The following CHRDL1 variants were observed in gnomAD, a reference collection of about 807,000 sequenced individuals.
The protein encoded by CHRDL1 is chordin like 1.
CHRDL1 carries 19 observed loss-of-function variants against 40.9 expected under a neutral mutation model. The observed-to-expected ratio is 0.46, with a 90% CI of 0.32 to 0.68. The LOEUF (loss-of-function observed/expected upper bound fraction) is 0.68. Among genes scored for constraint, CHRDL1 ranks in the 30% least tolerant of loss-of-function variants. The pLI is 0.03. For synonymous variants in CHRDL1, 136 were observed against 123.4 expected (o/e 1.10, Z -0.68); for missense variants, 329 against 352.1 (o/e 0.93, Z 0.53).
At chrX:110,755,917 G>T (rs1000186472) in intron 4 of CHRDL1, among the ~76,000 whole-genome samples, 5 of 111,471 alleles carry the variant, frequency 4.5e-5, no homozygotes, top group African/African-American at 6.5e-5. Context: ...TCAGATGGGT[G>T]GGTACCTTTT....
At chrX:110,724,482 A>G (rs191437084) in intron 4 of CHRDL1, among the ~76,000 whole-genome samples, 2 of 110,812 alleles carry the variant, frequency 1.8e-5, no homozygotes, top group Admixed American at 1.9e-4. Context: ...AGTTTTATGC[A>G]ATAAAATTCT....
At chrX:110,715,797 T>C (rs1350763632) in intron 6 of CHRDL1, among the ~76,000 whole-genome samples, 1 of 112,814 alleles carries the variant, frequency 8.9e-6, no homozygotes, top group Non-Finnish European at 1.9e-5. Context: ...CAACTGGTTA[T>C]ATTAGCAACC....
rs1317164825 is a variant in CHRDL1, at chrX:110,719,926, C to T, written c.450G>A (p.Glu150=). Residue 150 remains glutamate, a splice_region_variant and synonymous_variant, in exon 6 of 12, where the codon GAG becomes GAA. Coordinates refer to ENST00000372042, the MANE Select transcript of CHRDL1 (RefSeq NM_001143981.2). ...TCTTGAGACCACAATACACGTTTCCCTCCTGCCAAGGAGAAACAGAATTAA... is the reference window on the plus strand; with the variant it reads ...TCTTGAGACCACAATACACGTTTCCTTCCTGCCAAGGAGAAACAGAATTAA... ...PNQCTQCSCS[E]GNVYCGLKTC... 1 of 1,166,350 alleles carries T rather than the reference C, an allele frequency of 8.6e-7. No homozygotes were observed. The highest frequency in any genetic ancestry group is 3.0e-5 in the East Asian group (1 of 33,588).
intron 4 of CHRDL1, among the ~76,000 whole-genome samples, chrX:110,728,553 G>A (rs1194819057): frequency 1.8e-5 from 2 of 111,400 alleles, no homozygotes; most frequent in Non-Finnish European, 3.8e-5. Flanking sequence ...TCCAATAATG[G>A]GTTCTCTCCA....
At chrX:110,771,860 A>T (rs1602406381) in intron 2 of CHRDL1, among the ~76,000 whole-genome samples, 1 of 111,975 alleles carries the variant, frequency 8.9e-6, no homozygotes, top group Non-Finnish European at 1.9e-5. Flanking sequence ...AAAGTAAAAA[A>T]ATAAAACTTT....
chrX:110,705,696 A>G (rs2070624187), intron 6 of CHRDL1, among the ~76,000 whole-genome samples: 2 of 107,214 alleles, frequency 1.9e-5, no homozygotes, highest in South Asian at 7.9e-4. Flanking sequence ...ATATTCCAAA[A>G]TCCAAAAACA....
At chrX:110,686,818 A>T (rs771410839) in intron 9 of CHRDL1, among the ~76,000 whole-genome samples, 10 of 102,211 alleles carry the variant, frequency 9.8e-5, no homozygotes, top group African/African-American at 3.8e-4. Flanking sequence ...GGAGGTTGCA[A>T]GGTTGCAGTG....
intron 6 of CHRDL1, among the ~76,000 whole-genome samples, chrX:110,713,517 C>T (rs1297516596): frequency 4.5e-5 from 5 of 111,824 alleles, no homozygotes; most frequent in East Asian, 2.8e-4. Flanking sequence ...ATGCATGTCC[C>T]GTCTTCCCCT....
At chrX:110,779,623 T>G (rs191578431) in intron 2 of CHRDL1, among the ~76,000 whole-genome samples, 19 of 111,535 alleles carry the variant, frequency 1.7e-4, no homozygotes, top group Admixed American at 5.7e-4. Flanking sequence ...GTCTTGAAGT[T>G]GGGTAGTGAG....
chrX:110,762,948 G>C (rs1399264330), intron 2 of CHRDL1, 141 bp from the exon 3 acceptor site: 3 of 463,173 alleles, frequency 6.5e-6, no homozygotes, highest in Non-Finnish European at 1.1e-5. Context: ...TCCTATTAGG[G>C]GATTAGTGTT....
At chrX:110,734,993 ATTAC>A (rs1477358737) in intron 4 of CHRDL1, among the ~76,000 whole-genome samples, 1 of 110,694 alleles carries the variant, frequency 9.0e-6, no homozygotes, top group Non-Finnish European at 1.9e-5. Flanking sequence ...GAGTTCTACT[ATTAC>A]TTGGTTAGTT....
chrX:110,774,843 A>C (rs995420783), intron 2 of CHRDL1, among the ~76,000 whole-genome samples: 13 of 112,061 alleles, frequency 1.2e-4, no homozygotes, highest in Non-Finnish European at 2.3e-4. Flanking sequence ...ACATGCAATA[A>C]AAGGGAATTG....
chrX:110,689,524 CTATCTATATATCTCTATATCTCTATATA>C, intron 8 of CHRDL1, among the ~76,000 whole-genome samples: 1 of 22,832 alleles, frequency 4.4e-5, no homozygotes, highest in African/African-American at 6.1e-4. Context: ...CTCTATATAT[CTATCTATATATCTCTATATCTCTATATA>C]TCTATATATC....
At chrX:110,690,930 C>A (rs987007648) in intron 8 of CHRDL1, among the ~76,000 whole-genome samples, 2 of 111,281 alleles carry the variant, frequency 1.8e-5, no homozygotes, top group Middle Eastern at 9.2e-3. Flanking sequence ...AAGCATCTGG[C>A]TGGGTGTGGT....
chrX:110,686,617 T>C lies in CHRDL1; in HGVS notation c.988+1977A>G, dbSNP rs1015882251. On this transcript the variant is annotated intron_variant, in intron 9 of 11. Transcript: ENST00000372042. ...TGTTGCTGGGTGGCCCGGATGTCCA[T>C]ATCATCCTTAGAATGTGCTCTCTCC... Among the ~76,000 whole-genome samples the C allele has an allele frequency of 5.4e-5, 6 of 110,688 alleles. No individual in the cohort carries two copies. In the Admixed American group the frequency reaches 5.8e-4, roughly 11 times the overall value.
chrX:110,774,744 A>C (rs1254871395), intron 2 of CHRDL1, among the ~76,000 whole-genome samples: 1 of 112,007 alleles, frequency 8.9e-6, no homozygotes, highest in African/African-American at 3.2e-5. Flanking sequence ...ACTAAAACCA[A>C]AAGTCAAAAT....
intron 2 of CHRDL1, among the ~76,000 whole-genome samples, chrX:110,775,994 A>G (rs771133105): frequency 1.8e-5 from 2 of 111,611 alleles, no homozygotes; most frequent in South Asian, 7.4e-4. Context: ...TGTGTAGAAC[A>G]GATATGTTCT....
intron 4 of CHRDL1, among the ~76,000 whole-genome samples, chrX:110,721,784 T>C (rs911415379): frequency 8.9e-6 from 1 of 112,385 alleles, no homozygotes; most frequent in African/African-American, 3.2e-5. Context: ...GACCATTTAC[T>C]GAGCACCTAC....
intron 2 of CHRDL1, 86 bp downstream of exon 2, chrX:110,792,002 G>T: frequency 3.6e-6 from 2 of 548,399 alleles, no homozygotes; most frequent in East Asian, 3.7e-5. Context: ...GCCACATTTG[G>T]GCTAAATCAT....
Sources: allele counts gnomAD v4.1 joint callset (sites outside exome capture counted in the v4.1 genomes callset), GRCh38; gene constraint gnomAD v4.1.1; transcripts MANE v1.5; gene names NCBI Gene and HGNC (gene_info 2026-07-23, HGNC 2026-07-21).